FGF14: variants seen among roughly 807,000 people sequenced by gnomAD.
The protein encoded by FGF14 is fibroblast growth factor homologous factor 4.
In FGF14, 5 loss-of-function variants were observed where a neutral mutation model predicts 25.5. The ratio of observed to expected loss-of-function variants is 0.20; its 90% CI spans 0.10 to 0.41. FGF14 has a LOEUF of 0.41. Among genes scored for constraint, FGF14 ranks in the 10% least tolerant of loss-of-function variants. The probability of loss-of-function intolerance (pLI) is 1.00; values close to 1 mark genes in which losing one functional copy is unlikely to be tolerated. For synonymous variants in FGF14, 138 were observed against 118.3 expected, an observed-to-expected ratio of 1.17 and a Z score of -1.08; for missense variants, 222 against 320.1, an observed-to-expected ratio of 0.69 and a Z score of 2.34.
chr13:101,993,449 CT>C lies in FGF14; in HGVS notation c.209-118154del, dbSNP rs570315612. The stretch of plus-strand genomic sequence containing the variant: ...ATAATAAGTAAACATAAAATATGTT[CT>C]TTTTTTGTACTTTAACAGATAACAG... On this transcript the variant is annotated intron_variant, in intron 1 of 4. Transcript: ENST00000376131. Among the ~76,000 whole-genome samples the C allele has an allele frequency of 2.0e-4, 31 of 151,938 alleles. No homozygotes were observed. In the South Asian group the frequency reaches 6.4e-3, roughly 31 times the overall value.
chr13:101,785,020 A>G (rs1432665555), intron 3 of FGF14, among the ~76,000 whole-genome samples: 8 of 152,170 alleles, frequency 5.3e-5, no homozygotes, highest in Middle Eastern at 3.2e-3. Flanking sequence ...AAGAGGAAAC[A>G]ACCAACCCCA....
chr13:102,172,355 G>A (rs948408206), intron 1 of FGF14, among the ~76,000 whole-genome samples: 13 of 152,124 alleles, frequency 8.5e-5, no homozygotes, highest in African/African-American at 3.1e-4. Context: ...AGAAAGTTGT[G>A]GGGGCAGAAG....
At chr13:102,031,970 C>T (rs2139940230) in intron 1 of FGF14, among the ~76,000 whole-genome samples, 1 of 152,076 alleles carries the variant, frequency 6.6e-6, no homozygotes, top group East Asian at 1.9e-4. Flanking sequence ...CATTACAAAT[C>T]TGTTCATTAG....
intron 1 of FGF14, among the ~76,000 whole-genome samples, chr13:101,980,103 A>C (rs566197681): frequency 6.6e-6 from 1 of 152,350 alleles, no homozygotes; most frequent in East Asian, 1.9e-4. Context: ...AATTATCTAC[A>C]AGTAAGCCAT....
At chr13:101,849,077 T>C (rs778657159) in intron 3 of FGF14, among the ~76,000 whole-genome samples, 6 of 152,084 alleles carry the variant, frequency 3.9e-5, no homozygotes, top group Non-Finnish European at 5.9e-5. Context: ...TATTTTAAAC[T>C]AGGACATTTT....
chr13:102,164,424 G>C (rs2047911401), intron 1 of FGF14, among the ~76,000 whole-genome samples: 1 of 152,124 alleles, frequency 6.6e-6, no homozygotes. Flanking sequence ...ATGCCAGGAA[G>C]AGATGACATT....
At chr13:102,115,604 A>G (rs937962169) in intron 1 of FGF14, among the ~76,000 whole-genome samples, 2 of 152,144 alleles carry the variant, frequency 1.3e-5, no homozygotes, top group African/African-American at 2.4e-5. Context: ...TAAGTTTCCT[A>G]TGGATTCCGG....
intron 1 of FGF14, among the ~76,000 whole-genome samples, chr13:102,289,764 C>G (rs930154936): frequency 2.0e-5 from 3 of 152,120 alleles, no homozygotes; most frequent in African/African-American, 4.8e-5. Flanking sequence ...AGACAATGCT[C>G]TATACATTGT....
chr13:102,198,660 T>G (rs1309700329), intron 1 of FGF14, among the ~76,000 whole-genome samples: 1 of 152,222 alleles, frequency 6.6e-6, no homozygotes, highest in Non-Finnish European at 1.5e-5. Context: ...TGATAAACTC[T>G]GTATCCTTTT....
chr13:101,760,823 T>C (rs1245732989), intron 3 of FGF14, among the ~76,000 whole-genome samples: 2 of 152,218 alleles, frequency 1.3e-5, no homozygotes, highest in African/African-American at 4.8e-5. Context: ...ATGATCTGTC[T>C]TCTTCCACTG....
intron 1 of FGF14, among the ~76,000 whole-genome samples, chr13:102,267,018 G>C (rs1305914004): frequency 1.3e-5 from 2 of 152,054 alleles, no homozygotes; most frequent in African/African-American, 4.8e-5. Flanking sequence ...AGTCTTTCTT[G>C]AAATAAAAGA....
chr13:102,259,487 G>GA, intron 1 of FGF14, among the ~76,000 whole-genome samples: 1 of 152,162 alleles, frequency 6.6e-6, no homozygotes, highest in Non-Finnish European at 1.5e-5. Flanking sequence ...TCCCTGTTAG[G>GA]AGACACTCCT....
intron 3 of FGF14, among the ~76,000 whole-genome samples, chr13:101,791,666 C>G (rs565948969): frequency 1.3e-5 from 2 of 152,234 alleles, no homozygotes; most frequent in East Asian, 3.9e-4. Flanking sequence ...AAACCAAGAT[C>G]ACTCAAGATG....
intron 1 of FGF14, among the ~76,000 whole-genome samples, chr13:102,200,786 T>G (rs572757600): frequency 1.2e-3 from 188 of 152,188 alleles, no homozygotes; most frequent in African/African-American, 4.4e-3. Flanking sequence ...AAAAACACCC[T>G]GACAACTTGA....
chr13:102,296,821 C>G (rs572721509), intron 1 of FGF14, among the ~76,000 whole-genome samples: 2 of 152,246 alleles, frequency 1.3e-5, no homozygotes, highest in South Asian at 2.1e-4. Flanking sequence ...CTCCTTTCAG[C>G]TATTCATGAA....
chr13:101,957,275 AAAGT>A (rs1178529920), intron 1 of FGF14, among the ~76,000 whole-genome samples: 1 of 152,152 alleles, frequency 6.6e-6, no homozygotes, highest in African/African-American at 2.4e-5. Flanking sequence ...GTAAAGTAAA[AAAGT>A]AAGTAAATTT....
At chr13:102,042,232 T>A (rs992564710) in intron 1 of FGF14, among the ~76,000 whole-genome samples, 2 of 152,234 alleles carry the variant, frequency 1.3e-5, no homozygotes, top group Non-Finnish European at 1.5e-5. Context: ...GGAATGCTTA[T>A]ACAAATATGG....
At position 102,400,778 on chromosome 13, in the gene FGF14, G is replaced by T. The variant is rs1008394075; in HGVS notation, c.208+693C>A. On this transcript the variant is annotated intron_variant, in intron 1 of 4. Coordinates refer to the FGF14 transcript ENST00000376131. The surrounding 1 kb of genome is among the most constrained non-coding windows in gnomAD (Gnocchi z 4.3). ...AGGGCTTTGACACCGCTTTCTAAAG[G>T]GGGGGACTTCAATTACAAATATTAG... is the stretch of plus-strand genomic sequence containing the variant. Among the ~76,000 whole-genome samples, 2 of 152,114 alleles carry T rather than the reference G, an allele frequency of 1.3e-5. No homozygotes were observed. The highest frequency in any genetic ancestry group is 1.3e-4 in the Admixed American group (2 of 15,282).
In FGF14 at chr13:101,875,092, G is replaced by T; in HGVS notation, c.304+94C>A. On this transcript the variant is annotated intron_variant, in intron 2 of 4. Transcript: ENST00000376143. The stretch of plus-strand genomic sequence containing the variant: ...AACATTTGTAAAGATGAACCAACAC[G>T]ACCAAACATTTGCAAATGAATCTTA... 3 of 857,768 alleles carry T rather than the reference G, an allele frequency of 3.5e-6. No homozygotes were observed. The South Asian group carries it at 4.1e-5, about 12-fold the overall frequency. 53.1% of individuals were successfully genotyped at this position (857,768 alleles called of 1,614,324 possible).
Sources: allele counts gnomAD v4.1 joint callset (sites outside exome capture counted in the v4.1 genomes callset), GRCh38; gene constraint gnomAD v4.1.1; non-coding constraint Gnocchi (gnomAD v3.1); transcripts MANE v1.5; gene names NCBI Gene and HGNC (gene_info 2026-07-23, HGNC 2026-07-21).